Variants in MYOF observed in about 807,000 individuals in gnomAD.
MYOF encodes the protein myoferlin, also known as fer-1-like 3, myoferlin.
In MYOF, 244 loss-of-function variants were observed where a neutral mutation model predicts 284.2. The ratio of observed to expected loss-of-function variants is 0.86; its 90% CI spans 0.77 to 0.95. MYOF has a LOEUF of 0.95. Ranked by LOEUF, MYOF falls within the 40% of genes least tolerant of loss-of-function variation. The pLI, the probability that MYOF is intolerant of heterozygous loss-of-function variation, is 0.00. For missense variants in MYOF, 2,496 were observed against 2,560.6 expected (o/e 0.97, Z 0.54); for synonymous variants, 904 against 919.7 (o/e 0.98, Z 0.31).
chr10:93,435,912 T>TAAC (rs1849096984), intron 3 of MYOF, among the ~76,000 whole-genome samples: 1 of 150,882 alleles, frequency 6.6e-6, no homozygotes, highest in South Asian at 2.1e-4. Flanking sequence ...TCAAAAATAA[T>TAAC]AATAATAATA....
At chr10:93,329,526 T>G in intron 44 of MYOF, 138 bp downstream of exon 44, 1 of 850,874 alleles carries the variant, frequency 1.2e-6, no homozygotes, top group Non-Finnish European at 1.8e-6. Context: ...CCTAGAATAA[T>G]CCTGCGATTG....
At chr10:93,351,015 C>G (rs1844479827) in intron 35 of MYOF, among the ~76,000 whole-genome samples, 182 bp downstream of exon 35, 1 of 152,192 alleles carries the variant, frequency 6.6e-6, no homozygotes, top group Admixed American at 6.5e-5. Flanking sequence ...TAGAATTGAC[C>G]TGTCCTTGTT....
intron 1 of MYOF, among the ~76,000 whole-genome samples, chr10:93,468,708 T>A (rs956041647): frequency 5.9e-5 from 9 of 152,206 alleles, no homozygotes; most frequent in African/African-American, 2.2e-4. Context: ...TGCCAGCAGT[T>A]TAATCTACTT....
chr10:93,404,118 C>T (rs1847430837), intron 8 of MYOF, 39 bp downstream of exon 8: 2 of 1,613,850 alleles, frequency 1.2e-6, no homozygotes, highest in Non-Finnish European at 1.7e-6. Context: ...CTTTGCCTGG[C>T]AGTGAGTGAG....
intron 3 of MYOF, among the ~76,000 whole-genome samples, chr10:93,451,611 C>A (rs570532634): frequency 3.4e-4 from 52 of 151,870 alleles, no homozygotes; most frequent in Non-Finnish European, 7.4e-5. Flanking sequence ...GATTAAAAGG[C>A]GAAGGAGACA....
At position 93,408,845 on chromosome 10, in the gene MYOF, A is replaced by ACT; in HGVS notation, c.670_671insAG (p.Val224GlufsTer29). 1 of 1,614,170 alleles carries ACT rather than the reference A, an allele frequency of 6.2e-7. No homozygotes were observed. Among genetic ancestry groups the ACT allele is most frequent in the Non-Finnish European group, 8.5e-7 (1 of 1,180,034 alleles). On this transcript the variant is annotated frameshift_variant, in exon 7 of 54. Coordinates refer to ENST00000359263, the MANE Select transcript of MYOF (RefSeq NM_013451.4). LOFTEE classifies it high-confidence loss of function. ...TCTTGTTCGGTGTGTCTGGCCACAG[A>ACT]CGTGAACTTTGACCACAGGCCTTAT... is the stretch of plus-strand genomic sequence containing the variant.
chr10:93,373,808 C>T (rs1345382369), intron 23 of MYOF, among the ~76,000 whole-genome samples: 1 of 152,176 alleles, frequency 6.6e-6, no homozygotes, highest in Non-Finnish European at 1.5e-5. Flanking sequence ...TAGTGGAGGC[C>T]AGCATTTATC....
chr10:93,456,794 G>C (rs181781364), intron 2 of MYOF, 88 bp downstream of exon 2: 1 of 958,812 alleles, frequency 1.0e-6, no homozygotes, highest in South Asian at 1.5e-5. Context: ...TTCTCCTTCC[G>C]AAGGGAAGAG....
intron 2 of MYOF, among the ~76,000 whole-genome samples, chr10:93,452,672 T>C (rs1175410787): frequency 1.3e-5 from 2 of 151,962 alleles, no homozygotes; most frequent in East Asian, 3.9e-4. Flanking sequence ...ACCTGCACTT[T>C]GTGCACATGT....
intron 3 of MYOF, among the ~76,000 whole-genome samples, chr10:93,440,446 C>T (rs2056214221): frequency 6.6e-6 from 1 of 151,924 alleles, no homozygotes; most frequent in African/African-American, 2.4e-5. Context: ...CCTTATACAA[C>T]AACCCTATCT....
intron 1 of MYOF, among the ~76,000 whole-genome samples, chr10:93,463,417 T>TTTTTTG (rs1489289411): frequency 6.7e-6 from 1 of 148,708 alleles, no homozygotes; most frequent in Admixed American, 6.8e-5. Context: ...TTTTTTTTTT[T>TTTTTTG]GAGAGGGAGT....
intron 5 of MYOF, among the ~76,000 whole-genome samples, chr10:93,421,329 G>A (rs754460842): frequency 6.6e-6 from 1 of 152,194 alleles, no homozygotes; most frequent in Admixed American, 6.5e-5. Flanking sequence ...TGGCTGTCTT[G>A]CTGTTCTCTG....
At position 93,372,938 on chromosome 10, in the gene MYOF, A is replaced by G. The variant is rs943447270; in HGVS notation, c.2449T>C (p.Phe817Leu). ...GKYCGKTQTIFLKYPQEKNNG... is the reference protein window; with the variant it reads ...GKYCGKTQTILLKYPQEKNNG... The stretch of plus-strand genomic sequence containing the variant: ...ACAGTGAAGATATGTACCTTCAGAA[A>G]GATGGTTTGGGTTTTCCCACAGTAT... The change falls in exon 24 of 54, where the codon TTT (phenylalanine) becomes CTT (leucine). Residue 817 changes from phenylalanine to leucine, a missense_variant. Physicochemically the swap from Phe to Leu is conservative, Grantham distance 22. Transcript: ENST00000359263. 1 of 1,614,208 alleles carries G rather than the reference A, an allele frequency of 6.2e-7. No homozygotes were observed. The highest frequency in any genetic ancestry group is 2.2e-5 in the East Asian group (1 of 44,882).
At chr10:93,419,231 C>T (rs1040647800) in intron 5 of MYOF, among the ~76,000 whole-genome samples, 12 of 151,948 alleles carry the variant, frequency 7.9e-5, no homozygotes, top group African/African-American at 1.5e-4. Context: ...GGCGCAATCT[C>T]GGCTCACTGC....
At chr10:93,341,523 T>A (rs1333506304) in intron 38 of MYOF, among the ~76,000 whole-genome samples, 1 of 152,170 alleles carries the variant, frequency 6.6e-6, no homozygotes, top group African/African-American at 2.4e-5. Context: ...GTGATCCACC[T>A]GCCTCAGCCT....
chr10:93,379,833 A>G (rs1158021753), intron 21 of MYOF, 30 bp downstream of exon 21: 1 of 1,611,802 alleles, frequency 6.2e-7, no homozygotes, highest in Admixed American at 1.7e-5. Flanking sequence ...CTGCTTGGTG[A>G]AAAGGAAATG....
At chr10:93,381,988 T>G (rs12767322) in intron 19 of MYOF, among the ~76,000 whole-genome samples, 73,045 of 151,724 alleles carry the variant, frequency 0.48, 19,018 homozygotes, top group East Asian at 0.86. Context: ...AGTGAGCCGA[T>G]ATCGTGCCAC....
At chr10:93,474,820 C>T (rs2134399211) in intron 1 of MYOF, among the ~76,000 whole-genome samples, 2 of 151,362 alleles carry the variant, frequency 1.3e-5, no homozygotes, top group Non-Finnish European at 2.9e-5. Flanking sequence ...CATCTCAGCT[C>T]ACTGCAACCT....
intron 5 of MYOF, among the ~76,000 whole-genome samples, chr10:93,415,817 C>T (rs1009670024): frequency 1.3e-5 from 2 of 152,134 alleles, no homozygotes; most frequent in African/African-American, 4.8e-5. Flanking sequence ...TGGATCATTC[C>T]CATCAAAATA....
Sources: gnomAD v4.1 joint callset for allele counts (sites outside exome capture counted in the v4.1 genomes callset) on GRCh38, gnomAD v4.1.1 for gene constraint, MANE v1.5 for transcripts, NCBI Gene and HGNC (gene_info 2026-07-23, HGNC 2026-07-21) for gene names.